TRAK1: variants seen among roughly 807,000 people sequenced by gnomAD.
TRAK1 encodes the protein trafficking kinesin-binding protein 1.
Under a neutral mutation model 92.1 loss-of-function variants are expected in TRAK1, and 33 were observed. That is an observed-to-expected ratio of 0.36 (90% confidence interval 0.27 to 0.48). The LOEUF (loss-of-function observed/expected upper bound fraction) is 0.48, where lower values mean the gene tolerates loss of function less well. Among genes scored for constraint, TRAK1 ranks in the 20% least tolerant of loss-of-function variants. The pLI is 0.99. For synonymous variants in TRAK1, 521 were observed against 517.3 expected, an observed-to-expected ratio of 1.01 and a Z score of -0.10; for missense variants, 1,123 against 1,257.9, an observed-to-expected ratio of 0.89 and a Z score of 1.62.
chr3:42,054,553 C>T (rs1245335823), intron 1 of TRAK1, among the ~76,000 whole-genome samples: 1 of 152,202 alleles, frequency 6.6e-6, no homozygotes, highest in Non-Finnish European at 1.5e-5. Flanking sequence ...CACATTTCTA[C>T]CTAGCCTGGT....
rs1043621 is a variant in TRAK1, at chr3:42,224,854, A to G, written c.*1117A>G. 73,858 of 151,934 alleles carry G rather than the reference A, an allele frequency of 0.49. 18,855 individuals carry two copies. Among genetic ancestry groups the G allele is most frequent in the African/African-American group, 0.65 (26,981 of 41,474 alleles). The allele number at this position is 151,934 out of a possible 1,614,324, so 9.4% of individuals were successfully genotyped here. A position where few individuals can be genotyped will look rare whatever the true frequency, so the allele number is the denominator to read the frequency against. On this transcript the variant is annotated 3_prime_UTR_variant, in exon 16 of 16. Coordinates refer to ENST00000327628, the MANE Select transcript of TRAK1 (RefSeq NM_001042646.3). ...CGAGGCTGGCCAGGGTGCTGTCACC[A>G]TGCGGTCTTTGATTGCAGCCATTCA... is the stretch of plus-strand genomic sequence containing the variant.
At chr3:42,221,027 T>A (rs113871364) in intron 15 of TRAK1, among the ~76,000 whole-genome samples, 5 of 150,576 alleles carry the variant, frequency 3.3e-5, no homozygotes, top group African/African-American at 1.2e-4. Flanking sequence ...TGTGGCTGTG[T>A]CAGGGCCGAA....
At chr3:42,094,158 G>A (rs1330179827) in intron 1 of TRAK1, among the ~76,000 whole-genome samples, 1 of 152,182 alleles carries the variant, frequency 6.6e-6, no homozygotes, top group African/African-American at 2.4e-5. Context: ...CTCAGCCAAG[G>A]TCTGTTGTAG....
intron 1 of TRAK1, among the ~76,000 whole-genome samples, chr3:42,071,797 T>C (rs1703944309): frequency 6.6e-6 from 1 of 151,642 alleles, no homozygotes; most frequent in Non-Finnish European, 1.5e-5. Context: ...ACATGCAATG[T>C]GGGCTGCAGG....
chr3:42,106,148 G>T (rs1172147366), intron 1 of TRAK1, among the ~76,000 whole-genome samples: 1 of 152,150 alleles, frequency 6.6e-6, no homozygotes, highest in Non-Finnish European at 1.5e-5. Context: ...CATAATGACA[G>T]GATCAAATTC....
chr3:42,077,831 G>C (rs1232110136), intron 1 of TRAK1, among the ~76,000 whole-genome samples: 1 of 152,210 alleles, frequency 6.6e-6, no homozygotes, highest in African/African-American at 2.4e-5. Context: ...GTATTTGTCA[G>C]AACTAGGAGC....
intron 14 of TRAK1, among the ~76,000 whole-genome samples, chr3:42,215,000 C>T (rs533107218): frequency 6.6e-6 from 1 of 152,324 alleles, no homozygotes; most frequent in South Asian, 2.1e-4. Context: ...GATTCCCCGA[C>T]TCCTCACCTC....
In TRAK1 at chr3:42,014,879, TGTGA is replaced by T. The variant is rs1317080811; in HGVS notation, c.-519+766_-519+769del. Among the ~76,000 whole-genome samples, 3 of 152,142 alleles carry T rather than the reference TGTGA, an allele frequency of 2.0e-5. No individual in the cohort carries two copies. In the East Asian group the frequency reaches 5.8e-4, roughly 29 times the overall value. On this transcript the variant is annotated intron_variant, in intron 1 of 16. Transcript: ENST00000487159. The stretch of plus-strand genomic sequence containing the variant: ...AAGTGTAAACGTTGTCAATACTGTC[TGTGA>T]GTGTGTATTCGGGACTGGTAACCTT...
intron 1 of TRAK1, among the ~76,000 whole-genome samples, chr3:42,110,427 G>C (rs955586150): frequency 6.6e-6 from 1 of 151,962 alleles, no homozygotes; most frequent in African/African-American, 2.4e-5. Context: ...TCCTCTCTGG[G>C]GATGGAGTCC....
chr3:42,205,014 C>T (rs1163960134), intron 13 of TRAK1, among the ~76,000 whole-genome samples: 3 of 152,216 alleles, frequency 2.0e-5, no homozygotes, highest in Non-Finnish European at 4.4e-5. Flanking sequence ...TTCAGTACAG[C>T]TCTGACTGTG....
At chr3:42,067,281 G>A (rs986903658) in intron 1 of TRAK1, among the ~76,000 whole-genome samples, 1 of 152,168 alleles carries the variant, frequency 6.6e-6, no homozygotes, top group Non-Finnish European at 1.5e-5. Flanking sequence ...GATACAGTTT[G>A]TTCTGAAAAT....
At chr3:42,126,092 GCCAC>G (rs199779198) in intron 2 of TRAK1, among the ~76,000 whole-genome samples, 4,391 of 151,674 alleles carry the variant, frequency 0.029, 224 homozygotes, top group African/African-American at 0.1. Context: ...CTGACCTTAA[GCCAC>G]CCACCCACCT....
At position 42,202,459 on chromosome 3, in the gene TRAK1, C is replaced by T. The variant is rs138190882; in HGVS notation, c.1451C>T (p.Pro484Leu). The T allele has an allele frequency of 2.6e-4, 382 of 1,487,500 alleles. 3 individuals carry two copies. The African/African-American group carries it at 3.4e-3, about 13-fold the overall frequency. The allele number at this position is 1,487,500 out of a possible 1,614,324, so 92.1% of individuals were successfully genotyped here. A position where few individuals can be genotyped will look rare whatever the true frequency, so the allele number is the denominator to read the frequency against. The part of the protein sequence containing the change: ...DLGNDERSKK[P>L]GTPGTPGSHD... ...AGAAACGATGAGCGGAGTAAGAAGC[C>T]GGGGACGCCGGGCACCCCAGGCTCC... Residue 484 changes from proline to leucine, a missense_variant, in exon 13 of 16, where the codon CCG becomes CTG. Physicochemically the swap from Pro to Leu is moderately conservative, Grantham distance 98. This residue lies in a region of TRAK1 where 686 missense variants were observed against 747.6 expected (regional missense o/e 0.92). Coordinates refer to ENST00000327628, the MANE Select transcript of TRAK1 (RefSeq NM_001042646.3). This position sits in a 1 kb window ranked among gnomAD's most constrained non-coding sequence, Gnocchi z 6.1.
chr3:42,072,671 CGG>C (rs1703987569), intron 1 of TRAK1, among the ~76,000 whole-genome samples: 1 of 151,130 alleles, frequency 6.6e-6, no homozygotes. Flanking sequence ...TTTTTGGAAA[CGG>C]GGATTTGGTC....
chr3:42,088,105 T>C (rs147237214), upstream of TRAK1, among the ~76,000 whole-genome samples: 334 of 152,370 alleles, frequency 2.2e-3, no homozygotes, highest in African/African-American at 7.8e-3. Flanking sequence ...TGCATTCATA[T>C]AGAAGTTTGC....
intron 1 of TRAK1, among the ~76,000 whole-genome samples, chr3:42,110,176 G>A (rs572295429): frequency 1.0e-4 from 15 of 143,882 alleles, no homozygotes; most frequent in Non-Finnish European, 2.1e-4. Flanking sequence ...AATACCAGGA[G>A]TAATGCAACT....
chr3:42,093,654 T>TCCCTTCCCTTCCCTTCCCTC (rs1705439937), intron 1 of TRAK1, among the ~76,000 whole-genome samples: 1 of 35,242 alleles, frequency 2.8e-5, no homozygotes, highest in African/African-American at 1.0e-4. Flanking sequence ...TTTCTCCCCT[T>TCCCTTCCCTTCCCTTCCCTC]CCCTTCCCTT....
intron 1 of TRAK1, among the ~76,000 whole-genome samples, chr3:42,055,833 C>CA (rs1703184731): frequency 6.6e-6 from 1 of 152,128 alleles, no homozygotes; most frequent in African/African-American, 2.4e-5. Context: ...AGTTACTCCC[C>CA]ATTTCCCCCA....
upstream of TRAK1, among the ~76,000 whole-genome samples, chr3:42,085,696 A>G (rs1704639283): frequency 6.6e-6 from 1 of 152,320 alleles, no homozygotes; most frequent in African/African-American, 2.4e-5. Flanking sequence ...ATAATGCATC[A>G]TTTATTAGAG....
Sources: gnomAD v4.1 joint callset for allele counts (sites outside exome capture counted in the v4.1 genomes callset) on GRCh38, gnomAD v4.1.1 for gene constraint, gnomAD v4.1.1 regional missense constraint, Gnocchi (gnomAD v3.1) non-coding constraint, MANE v1.5 for transcripts, NCBI Gene and HGNC (gene_info 2026-07-23, HGNC 2026-07-21) for gene names.